The following SGMS1 variants were observed in gnomAD, a reference collection of about 807,000 sequenced individuals.
The protein encoded by SGMS1 is phosphatidylcholine:ceramide cholinephosphotransferase 1.
SGMS1 carries 13 observed loss-of-function variants against 46.2 expected under a neutral mutation model. That is an observed-to-expected ratio of 0.28 (90% CI 0.18 to 0.45). The LOEUF (loss-of-function observed/expected upper bound fraction) is 0.45. Among genes scored for constraint, SGMS1 ranks in the 20% least tolerant of loss-of-function variants. The pLI, the probability that SGMS1 is intolerant of heterozygous loss-of-function variation, is 1.00. For synonymous variants in SGMS1, 203 were observed against 187.8 expected (o/e 1.08, Z -0.66); for missense variants, 324 against 519.9 (o/e 0.62, Z 3.66).
intron 6 of SGMS1, among the ~76,000 whole-genome samples, chr10:50,432,755 T>G (rs1314161517): frequency 1.3e-5 from 2 of 152,200 alleles, no homozygotes; most frequent in Non-Finnish European, 2.9e-5. Flanking sequence ...TTTAATTTTA[T>G]GAGAGATAGT....
At chr10:50,500,169 A>G (rs865894495) in intron 3 of SGMS1, among the ~76,000 whole-genome samples, 8 of 152,180 alleles carry the variant, frequency 5.3e-5, no homozygotes, top group South Asian at 2.1e-4. Context: ...CTCCATCTCA[A>G]AAACAAACTA....
intron 8 of SGMS1, among the ~76,000 whole-genome samples, chr10:50,312,904 T>G (rs1847280152): frequency 6.6e-6 from 1 of 152,112 alleles, no homozygotes; most frequent in Non-Finnish European, 1.5e-5. Context: ...GCCAGAATGC[T>G]CTGGAGGGAT....
chr10:50,524,776 A>C (rs576522011), intron 2 of SGMS1, among the ~76,000 whole-genome samples: 1 of 152,306 alleles, frequency 6.6e-6, no homozygotes, highest in African/African-American at 2.4e-5. Context: ...CATGAAACAT[A>C]GTTAGTTGAA....
intron 1 of SGMS1, 154 bp downstream of exon 1, chr10:50,623,553 T>G (rs1365977529): frequency 2.0e-6 from 2 of 980,598 alleles, no homozygotes; most frequent in Non-Finnish European, 2.4e-6. Context: ...GCCCGCCAGG[T>G]ACGCGCGCGG....
intron 6 of SGMS1, among the ~76,000 whole-genome samples, chr10:50,408,298 T>G (rs1849046113): frequency 1.3e-5 from 2 of 151,866 alleles, no homozygotes; most frequent in African/African-American, 2.4e-5. Flanking sequence ...TTCATTCTAG[T>G]CACAGTTTAA....
At chr10:50,436,971 T>C (rs759950289) in intron 5 of SGMS1, among the ~76,000 whole-genome samples, 9 of 152,206 alleles carry the variant, frequency 5.9e-5, no homozygotes, top group Admixed American at 3.3e-4. Context: ...CTTGAGCATG[T>C]TGTGTAATTT....
chr10:50,490,997 A>G (rs1170086400), intron 3 of SGMS1, among the ~76,000 whole-genome samples: 1 of 152,142 alleles, frequency 6.6e-6, no homozygotes, highest in Non-Finnish European at 1.5e-5. Flanking sequence ...ATATTAATTG[A>G]TATTTTAGCA....
intron 6 of SGMS1, among the ~76,000 whole-genome samples, chr10:50,346,600 A>C (rs749649172): frequency 6.6e-6 from 1 of 152,174 alleles, no homozygotes; most frequent in African/African-American, 2.4e-5. Flanking sequence ...AAATCCTCCA[A>C]TAAAGAAACT....
At chr10:50,469,910 G>A (rs1161735575) in intron 3 of SGMS1, among the ~76,000 whole-genome samples, 1 of 152,168 alleles carries the variant, frequency 6.6e-6, no homozygotes, top group Non-Finnish European at 1.5e-5. Flanking sequence ...CACTTTACAA[G>A]TTTACATTTA....
intron 2 of SGMS1, among the ~76,000 whole-genome samples, chr10:50,526,425 C>G (rs1837902138): frequency 6.6e-6 from 1 of 152,174 alleles, no homozygotes; most frequent in Admixed American, 6.5e-5. Flanking sequence ...GATTACAAAT[C>G]AACACGAGAT....
chr10:50,560,398 T>C (rs1838225910), intron 2 of SGMS1, among the ~76,000 whole-genome samples: 1 of 138,776 alleles, frequency 7.2e-6, no homozygotes, highest in Non-Finnish European at 1.5e-5. Context: ...TATATGCATA[T>C]ATTATAATAC....
At chr10:50,435,778 A>C (rs1849466912) in intron 5 of SGMS1, among the ~76,000 whole-genome samples, 1 of 152,246 alleles carries the variant, frequency 6.6e-6, no homozygotes, top group South Asian at 2.1e-4. Context: ...AAACAAAAAA[A>C]TACAAGATTC....
chr10:50,440,189 G>C (rs1849523751), intron 5 of SGMS1, among the ~76,000 whole-genome samples: 1 of 151,728 alleles, frequency 6.6e-6, no homozygotes, highest in South Asian at 2.1e-4. Context: ...AGCAATGAGA[G>C]GTATCAATAA....
chr10:50,538,147 G>A (rs1277659825), intron 2 of SGMS1, among the ~76,000 whole-genome samples: 1 of 120,648 alleles, frequency 8.3e-6, no homozygotes, highest in African/African-American at 3.1e-5. Context: ...TGCTGGATAA[G>A]ATGCAGATAA....
intron 3 of SGMS1, among the ~76,000 whole-genome samples, chr10:50,472,467 T>C (rs1422101273): frequency 1.3e-5 from 2 of 152,150 alleles, no homozygotes; most frequent in Non-Finnish European, 2.9e-5. Context: ...TCCAGGTTCA[T>C]CCATGTTGTT....
chr10:50,520,559 C>T (rs1383256788), intron 2 of SGMS1, among the ~76,000 whole-genome samples: 1 of 152,180 alleles, frequency 6.6e-6, no homozygotes. Context: ...GAACTTTCCC[C>T]CAATCACTCA....
intron 8 of SGMS1, among the ~76,000 whole-genome samples, chr10:50,322,898 G>A (rs948503407): frequency 1.3e-5 from 2 of 150,946 alleles, no homozygotes; most frequent in Non-Finnish European, 2.9e-5. Context: ...TGGAACACAC[G>A]GTCTTTGGAG....
chr10:50,381,175 T>C (rs185008488), intron 6 of SGMS1, among the ~76,000 whole-genome samples: 287 of 150,816 alleles, frequency 1.9e-3, no homozygotes, highest in African/African-American at 6.5e-3. Context: ...CAAATACTAA[T>C]GAACATTAAA....
chr10:50,562,544 T>C (rs1838249780), intron 2 of SGMS1, among the ~76,000 whole-genome samples: 2 of 152,092 alleles, frequency 1.3e-5, no homozygotes, highest in Admixed American at 1.3e-4. Flanking sequence ...CTAAATATTG[T>C]CTCCACACTC....
Sources: gnomAD v4.1 joint callset for allele counts (sites outside exome capture counted in the v4.1 genomes callset) on GRCh38, gnomAD v4.1.1 for gene constraint, MANE v1.5 for transcripts, NCBI Gene and HGNC (gene_info 2026-07-23, HGNC 2026-07-21) for gene names.